PLEKHH2: variants seen among roughly 807,000 people sequenced by gnomAD.
PLEKHH2 encodes the protein pleckstrin homology domain-containing family H member 2.
In PLEKHH2, 129 loss-of-function variants were observed where a neutral mutation model predicts 187.9. That is an observed-to-expected ratio of 0.69 (90% CI 0.59 to 0.79). PLEKHH2 has a LOEUF of 0.79. PLEKHH2 is among the 30% of genes least tolerant of loss of function. The pLI is 0.00. For synonymous variants in PLEKHH2, 686 were observed against 605.6 expected (o/e 1.13, Z -1.95); for missense variants, 2,076 against 1,751.2 (o/e 1.19, Z -3.31).
chr2:43,709,994 G>T lies in PLEKHH2; in HGVS notation c.1971G>T (p.Val657=). ...PGSPRAMKRG[V]SLSSVASESD... ...TTTCTTTCTTTGTTCTCTTAGGTGTGTCTCTCTCCTCTGTGGCTTCTGAAA... is the reference window on the plus strand; with the variant it reads ...TTTCTTTCTTTGTTCTCTTAGGTGTTTCTCTCTCCTCTGTGGCTTCTGAAA... The change falls in exon 12 of 30, where the codon GTG becomes GTT. Residue 657 remains valine, a synonymous_variant. Coordinates refer to ENST00000282406, the MANE Select transcript of PLEKHH2 (RefSeq NM_172069.4). 3 of 1,607,918 alleles carry T rather than the reference G, an allele frequency of 1.9e-6. No individual in the cohort carries two copies. The highest frequency in any genetic ancestry group is 2.5e-6 in the Non-Finnish European group (3 of 1,178,010).
At chr2:43,637,873 C>T (rs538609545) in intron 1 of PLEKHH2, among the ~76,000 whole-genome samples, 1 of 152,350 alleles carries the variant, frequency 6.6e-6, no homozygotes, top group African/African-American at 2.4e-5. Flanking sequence ...GTTGCTGGCA[C>T]GTCAAAGCAC....
intron 2 of PLEKHH2, among the ~76,000 whole-genome samples, chr2:43,652,392 T>C (rs189301874): frequency 5.1e-4 from 77 of 152,306 alleles, no homozygotes; most frequent in African/African-American, 1.7e-3. Context: ...CCAAGCCTTA[T>C]TCTAGGCTAT....
intron 2 of PLEKHH2, among the ~76,000 whole-genome samples, chr2:43,651,569 C>CT (rs56935564): frequency 0.051 from 7,786 of 151,280 alleles, 478 homozygotes; most frequent in African/African-American, 0.15. Flanking sequence ...ATTTTTGTGT[C>CT]TTTTTTTTTG....
At chr2:43,750,285 A>C (rs997405519) in intron 24 of PLEKHH2, among the ~76,000 whole-genome samples, 7 of 152,222 alleles carry the variant, frequency 4.6e-5, no homozygotes, top group African/African-American at 1.7e-4. Flanking sequence ...CAGCCTGGCC[A>C]ACATGGTGAA....
chr2:43,758,729 CA>C (rs1672311760), intron 26 of PLEKHH2, among the ~76,000 whole-genome samples, 170 bp from the exon 27 acceptor site: 1 of 152,134 alleles, frequency 6.6e-6, no homozygotes, highest in South Asian at 2.1e-4. Context: ...CCAGAAAGGA[CA>C]AGTGATGGAC....
Position 43,687,928 on chromosome 2 carries a change from C to T in PLEKHH2, c.187-4586C>T, listed in dbSNP as rs1048348060. On this transcript the variant is annotated intron_variant, in intron 3 of 29. Coordinates refer to ENST00000282406, the MANE Select transcript of PLEKHH2 (RefSeq NM_172069.4). ...TCTCCCACTTCGGCCTTTTGAGTAG[C>T]TGGGACCACAGGCATATGCCACTAT... Among the ~76,000 whole-genome samples, 10 of 152,154 alleles carry T rather than the reference C, an allele frequency of 6.6e-5. No individual in the cohort carries two copies. In the South Asian group the frequency reaches 8.3e-4, roughly 13 times the overall value.
chr2:43,644,901 C>T (rs920806708), intron 2 of PLEKHH2, 105 bp downstream of exon 2: 11 of 1,247,350 alleles, frequency 8.8e-6, no homozygotes, highest in Non-Finnish European at 8.7e-6. Flanking sequence ...TAATTTTTGT[C>T]AAGTATTTGA....
Position 43,735,192 on chromosome 2 carries a change from A to C in PLEKHH2, c.2944-3149A>C, listed in dbSNP as rs1671228460. ...GTGACAGAGCAAGACTCTGTCTCAA[A>C]AAAAAGAAAAAAATGTAGTATATAT... On this transcript the variant is annotated intron_variant, in intron 19 of 29. Coordinates refer to ENST00000282406, the MANE Select transcript of PLEKHH2 (RefSeq NM_172069.4). 2.0e-5 allele frequency among the ~76,000 whole-genome samples: 3 copies of C among 152,172 alleles called. No individual in the cohort carries two copies. In the South Asian group the frequency reaches 6.2e-4, roughly 32 times the overall value.
intron 17 of PLEKHH2, among the ~76,000 whole-genome samples, chr2:43,727,221 T>C (rs1045373949): frequency 5.9e-5 from 9 of 152,044 alleles, no homozygotes; most frequent in African/African-American, 1.9e-4. Context: ...GAGACCATCT[T>C]GGCCAACATG....
chr2:43,735,139 G>A (rs1347562234), intron 19 of PLEKHH2, among the ~76,000 whole-genome samples: 2 of 152,130 alleles, frequency 1.3e-5, no homozygotes, highest in African/African-American at 4.8e-5. Context: ...GTAGTGAGCC[G>A]AGAGTGTGCC....
At chr2:43,752,936 C>G (rs1485822537) in intron 24 of PLEKHH2, among the ~76,000 whole-genome samples, 1 of 152,190 alleles carries the variant, frequency 6.6e-6, no homozygotes, top group African/African-American at 2.4e-5. Flanking sequence ...AAAGTCAAAA[C>G]ACACTTAAAT....
intron 24 of PLEKHH2, 137 bp from the exon 25 acceptor site, chr2:43,753,482 T>C (rs1672084899): frequency 1.8e-6 from 1 of 568,168 alleles, no homozygotes; most frequent in East Asian, 3.5e-5. Flanking sequence ...ACAGAAGTCA[T>C]TGACAGTAGT....
intron 24 of PLEKHH2, 152 bp from the exon 25 acceptor site, chr2:43,753,467 C>T: frequency 3.8e-6 from 2 of 528,902 alleles, no homozygotes; most frequent in Non-Finnish European, 6.0e-6. Flanking sequence ...CTAAATAGAA[C>T]AGAAACAGAA....
intron 23 of PLEKHH2, among the ~76,000 whole-genome samples, chr2:43,744,568 T>C (rs1671697922): frequency 6.6e-6 from 1 of 151,754 alleles, no homozygotes; most frequent in Non-Finnish European, 1.5e-5. Context: ...TGAAAAATGG[T>C]TTAGGAAACA....
chr2:43,755,281 C>T (rs1572666258), intron 25 of PLEKHH2, among the ~76,000 whole-genome samples: 1 of 152,178 alleles, frequency 6.6e-6, no homozygotes, highest in East Asian at 1.9e-4. Flanking sequence ...AAGCTTCACA[C>T]CTGGGAATTA....
chr2:43,708,249 C>A (rs1029478609), intron 11 of PLEKHH2, among the ~76,000 whole-genome samples: 132 of 152,314 alleles, frequency 8.7e-4, no homozygotes, highest in African/African-American at 3.0e-3. Context: ...CACACTTTTG[C>A]TGGAAACACT....
intron 2 of PLEKHH2, among the ~76,000 whole-genome samples, chr2:43,660,534 A>T (rs1449695047): frequency 7.3e-6 from 1 of 137,438 alleles, no homozygotes; most frequent in African/African-American, 3.0e-5. Context: ...TTAGTTACAT[A>T]TGTATAAATG....
Position 43,678,916 on chromosome 2 carries a change from T to C in PLEKHH2, c.177T>C (p.Ala59=), listed in dbSNP as rs1668018526. The C allele has an allele frequency of 6.2e-7, 1 of 1,608,418 alleles. No homozygotes were observed. Among genetic ancestry groups the C allele is most frequent in the East Asian group, 2.2e-5 (1 of 44,788 alleles). ...ATGCTGAACGTCAAGCAGAAAAAGCTTTTCAACAGGTAGAGTATAATTTTA... is the reference window on the plus strand; with the variant it reads ...ATGCTGAACGTCAAGCAGAAAAAGCCTTTCAACAGGTAGAGTATAATTTTA... ...VIDAERQAEK[A]FQQVQVMEDK... The change falls in exon 3 of 30, where the codon GCT becomes GCC. Residue 59 remains alanine (A), a synonymous_variant. Transcript: ENST00000282406.
At chr2:43,703,344 A>G (rs1299573204) in intron 8 of PLEKHH2, among the ~76,000 whole-genome samples, 1 of 152,238 alleles carries the variant, frequency 6.6e-6, no homozygotes, top group Non-Finnish European at 1.5e-5. Context: ...AAAACAAAAT[A>G]ATCTACTTTT....
Sources: allele counts gnomAD v4.1 joint callset (sites outside exome capture counted in the v4.1 genomes callset), GRCh38; gene constraint gnomAD v4.1.1; transcripts MANE v1.5; gene names NCBI Gene and HGNC (gene_info 2026-07-23, HGNC 2026-07-21).